ODF2L: variants seen among roughly 807,000 people sequenced by gnomAD.
The protein encoded by ODF2L is protein BCAP.
Under a neutral mutation model 86.3 loss-of-function variants are expected in ODF2L, and 76 were observed. That is an observed-to-expected ratio of 0.88 (90% confidence interval 0.73 to 1.07). ODF2L has a LOEUF of 1.07. Ranked by LOEUF, ODF2L falls within the 50% of genes least tolerant of loss-of-function variation. ODF2L has a pLI of 0.00. For synonymous variants in ODF2L, 241 were observed against 231.3 expected (o/e 1.04, Z -0.38); for missense variants, 748 against 717.4 (o/e 1.04, Z -0.49).
intron 7 of ODF2L, among the ~76,000 whole-genome samples, chr1:86,377,675 G>A (rs944826962): frequency 1.3e-5 from 2 of 152,174 alleles, no homozygotes; most frequent in African/African-American, 4.8e-5. Flanking sequence ...CCAAGGCTTG[G>A]GGCATCCACC....
At chr1:86,361,399 C>T (rs1659023812) in intron 11 of ODF2L, among the ~76,000 whole-genome samples, 1 of 152,168 alleles carries the variant, frequency 6.6e-6, no homozygotes, top group Admixed American at 6.5e-5. Flanking sequence ...AGTGAGCATG[C>T]CTACCCATAC....
At chr1:86,347,419 A>C (rs1198113059), downstream of ODF2L, 1 of 152,182 alleles carries the variant, frequency 6.6e-6, no homozygotes, top group African/African-American at 2.4e-5. Context: ...AAGGGCTGCA[A>C]GGGTCAAGCA....
At chr1:86,374,687 T>C (rs905000825) in intron 8 of ODF2L, among the ~76,000 whole-genome samples, 3 of 152,176 alleles carry the variant, frequency 2.0e-5, no homozygotes, top group African/African-American at 7.2e-5. Context: ...CCTTTTCACC[T>C]TTCCTTCCAC....
At chr1:86,395,184 C>A (rs927217551) in intron 1 of ODF2L, among the ~76,000 whole-genome samples, 5 of 152,148 alleles carry the variant, frequency 3.3e-5, no homozygotes, top group Non-Finnish European at 5.9e-5. Flanking sequence ...ACTTAAAACT[C>A]CAAGAACCTC....
intron 5 of ODF2L, 43 bp downstream of exon 5, chr1:86,383,091 A>G: frequency 7.3e-7 from 1 of 1,361,632 alleles, no homozygotes; most frequent in South Asian, 1.2e-5. Context: ...GCAAATAACA[A>G]TGACAGGAAG....
intron 7 of ODF2L, among the ~76,000 whole-genome samples, chr1:86,379,677 G>C (rs907557009): frequency 3.1e-4 from 47 of 152,094 alleles, no homozygotes; most frequent in Non-Finnish European, 2.9e-5. Context: ...TAATTTACTA[G>C]ATTTAGGGGG....
At position 86,386,910 on chromosome 1, in the gene ODF2L, A is replaced by G. The variant is rs1351680300; in HGVS notation, c.113+5T>C. On this transcript the variant is annotated splice_donor_5th_base_variant and intron_variant, in intron 2 of 17. Coordinates refer to ENST00000317336, the Ensembl canonical transcript of ODF2L. ...TTAGATTTCCCCTGATACTGATGAG[A>G]ATACCAGCTGAGATGACTTTCACTG... 2 of 1,419,896 alleles carry G rather than the reference A, an allele frequency of 1.4e-6. No homozygotes were observed. The highest frequency in any genetic ancestry group is 2.0e-6 in the Non-Finnish European group (2 of 1,008,056). The allele number at this position is 1,419,896 out of a possible 1,614,324, so 88.0% of individuals were successfully genotyped here.
intron 11 of ODF2L, among the ~76,000 whole-genome samples, chr1:86,363,158 G>GCAGC (rs1357891785): frequency 1.3e-5 from 2 of 152,184 alleles, no homozygotes; most frequent in Middle Eastern, 3.2e-3. Flanking sequence ...CAGACTGGAA[G>GCAGC]CAGCGTATGA....
At chr1:86,354,212 G>C (rs1044671796) in intron 16 of ODF2L, among the ~76,000 whole-genome samples, 7 of 152,154 alleles carry the variant, frequency 4.6e-5, no homozygotes, top group Non-Finnish European at 1.0e-4. Flanking sequence ...ACTGAATCCT[G>C]ATCAAAACAA....
exon 18 of ODF2L, chr1:86,351,629 G>A (rs1314385073): frequency 6.6e-6 from 1 of 152,594 alleles, no homozygotes; most frequent in Non-Finnish European, 1.5e-5. Flanking sequence ...ATTCTGTGAA[G>A]AAAGTCAATG....
At chr1:86,352,633 AGT>A (rs1380561539) in intron 17 of ODF2L, among the ~76,000 whole-genome samples, 1 of 152,188 alleles carries the variant, frequency 6.6e-6, no homozygotes, top group Admixed American at 6.5e-5. Context: ...ATGTAGGGAA[AGT>A]GCCTGATGAG....
At chr1:86,380,021 A>T (rs1558048137) in intron 7 of ODF2L, among the ~76,000 whole-genome samples, 1 of 152,202 alleles carries the variant, frequency 6.6e-6, no homozygotes, top group Admixed American at 6.5e-5. Flanking sequence ...TTGAGTATTA[A>T]GTATCTATTA....
At chr1:86,382,948 A>G (rs371691626) in exon 6 of ODF2L, 73 of 1,562,178 alleles carry the variant, frequency 4.7e-5, no homozygotes, top group Middle Eastern at 1.7e-4. Flanking sequence ...CTCTGAAACA[A>G]ACAAGAAAGT....
intron 11 of ODF2L, among the ~76,000 whole-genome samples, chr1:86,362,529 G>A (rs764045838): frequency 6.6e-5 from 10 of 152,036 alleles, no homozygotes; most frequent in Non-Finnish European, 1.2e-4. Flanking sequence ...GAGCTGAGGC[G>A]ATCCTCCCAC....
chr1:86,348,803 T>C (rs1048601074), downstream of ODF2L: 2 of 1,554,818 alleles, frequency 1.3e-6, no homozygotes, highest in Non-Finnish European at 1.7e-6. Flanking sequence ...TAATTCTTAA[T>C]ACTCTCATTT....
exon 4 of ODF2L, chr1:86,384,795 G>A (rs1660821601): frequency 6.7e-7 from 1 of 1,501,636 alleles, no homozygotes; most frequent in Non-Finnish European, 8.8e-7. Flanking sequence ...AATGCAGAAA[G>A]ATTCGCCTGA....
At chr1:86,356,269 C>T (rs549279405) in intron 14 of ODF2L, among the ~76,000 whole-genome samples, 175 bp downstream of exon 13, 1 of 152,210 alleles carries the variant, frequency 6.6e-6, no homozygotes, top group East Asian at 1.9e-4. Flanking sequence ...CCATAAAATA[C>T]TAAAAGAATA....
At chr1:86,355,330 CA>C in intron 14 of ODF2L, 1 of 1,503,878 alleles carries the variant, frequency 6.6e-7, no homozygotes, top group Non-Finnish European at 9.0e-7. Flanking sequence ...ACAAATCAAC[CA>C]AAGACACACT....
At chr1:86,359,256 AAAT>A (rs1658829455) in intron 12 of ODF2L, among the ~76,000 whole-genome samples, 1 of 151,798 alleles carries the variant, frequency 6.6e-6, no homozygotes, top group Admixed American at 6.6e-5. Context: ...AAAAAAAAAA[AAAT>A]TCTAGGCCCT....
Sources: allele counts gnomAD v4.1 joint callset (sites outside exome capture counted in the v4.1 genomes callset), GRCh38; gene constraint gnomAD v4.1.1; transcripts MANE v1.5; gene names NCBI Gene and HGNC (gene_info 2026-07-23, HGNC 2026-07-21).